The following ARSJ variants were observed in gnomAD, a reference collection of about 807,000 sequenced individuals.
ARSJ encodes arylsulfatase J.
ARSJ carries 26 observed loss-of-function variants against 35.9 expected under a neutral mutation model. That is an observed-to-expected ratio of 0.72 (90% CI 0.53 to 1.00). The LOEUF is 1.00. Ranked by LOEUF, ARSJ falls within the 50% of genes least tolerant of loss-of-function variation. ARSJ has a pLI of 0.00. For missense variants in ARSJ, 667 were observed against 723.6 expected (o/e 0.92, Z 0.90); for synonymous variants, 294 against 267.6 (o/e 1.10, Z -0.96).
intron 1 of ARSJ, among the ~76,000 whole-genome samples, chr4:113,947,795 T>C (rs1402084678): frequency 6.6e-6 from 1 of 152,158 alleles, no homozygotes; most frequent in African/African-American, 2.4e-5. Context: ...ATTATATACT[T>C]TTTTAAGTGT....
At chr4:113,917,438 T>C (rs1278770225) in intron 1 of ARSJ, among the ~76,000 whole-genome samples, 2 of 152,194 alleles carry the variant, frequency 1.3e-5, no homozygotes, top group Admixed American at 1.3e-4. Flanking sequence ...TATTTTATAA[T>C]AATATAAGTG....
intron 1 of ARSJ, among the ~76,000 whole-genome samples, chr4:113,928,379 C>T (rs939868544): frequency 6.6e-6 from 1 of 152,118 alleles, no homozygotes; most frequent in Non-Finnish European, 1.5e-5. Context: ...GGTCTGTAAA[C>T]TGGATAAAGT....
chr4:113,939,209 A>G (rs965810666), intron 1 of ARSJ, among the ~76,000 whole-genome samples: 5 of 149,150 alleles, frequency 3.4e-5, no homozygotes, highest in African/African-American at 9.9e-5. Flanking sequence ...ATGATTTCCA[A>G]TTTCATCCAT....
At position 113,903,198 on chromosome 4, in the gene ARSJ, T is replaced by A; in HGVS notation, c.876A>T (p.Arg292Ser). The A allele has an allele frequency of 6.2e-7, 1 of 1,614,152 alleles. No homozygotes were observed. Among genetic ancestry groups the A allele is most frequent in the Non-Finnish European group, 8.5e-7 (1 of 1,180,022 alleles). Reference protein sequence around the residue: ...YRSIININRRRYAAMLSCLDE... With the variant: ...YRSIININRRSYAAMLSCLDE... ...CTAAGCAGGAAAGCATGGCAGCATA[T>A]CTCCTCCTGTTTATGTTGATAATGG... is the stretch of plus-strand genomic sequence containing the variant. Residue 292 changes from arginine (R) to serine (S), a missense_variant, in exon 2 of 2, where the codon AGA (arginine) becomes AGT (serine). By Grantham distance (110) the Arg-to-Ser change is moderately radical (BLOSUM62 -1). Transcript: ENST00000315366.
intron 1 of ARSJ, among the ~76,000 whole-genome samples, chr4:113,932,521 T>C (rs944589675): frequency 6.6e-6 from 1 of 151,900 alleles, no homozygotes. Context: ...TTCTGACCAA[T>C]ATGGAACAAA....
intron 1 of ARSJ, among the ~76,000 whole-genome samples, chr4:113,926,309 G>T (rs1724059714): frequency 1.3e-5 from 2 of 152,114 alleles, no homozygotes; most frequent in African/African-American, 4.8e-5. Flanking sequence ...TGCACATCCA[G>T]CCATTTCTCC....
At position 113,918,343 on chromosome 4, in the gene ARSJ, T is replaced by A. The variant is rs192182354; in HGVS notation, c.399-14668A>T. 2.6e-5 allele frequency among the ~76,000 whole-genome samples: 4 copies of A among 152,302 alleles called. No individual in the cohort carries two copies. In the East Asian group the frequency reaches 7.7e-4, roughly 29 times the overall value. On this transcript the variant is annotated intron_variant, in intron 1 of 1. Transcript: ENST00000315366. Reference sequence around the variant, plus strand: ...TTCTCAGTACTCATCTTTTATTTTGTAGAATATATTTATATTCATAAAATA... The same window carrying A: ...TTCTCAGTACTCATCTTTTATTTTGAAGAATATATTTATATTCATAAAATA...
chr4:113,909,670 AG>A (rs2099669844), intron 1 of ARSJ, among the ~76,000 whole-genome samples: 1 of 152,128 alleles, frequency 6.6e-6, no homozygotes, highest in African/African-American at 2.4e-5. Flanking sequence ...ATGTTTGTTA[AG>A]TTTCCTCAGG....
In ARSJ at chr4:113,902,034, C is replaced by G; in HGVS notation, c.*240G>C. Reference sequence around the variant, plus strand: ...GGACTCACCACGTTTTCTAAAGGAGCAAGAGAAATAAACATCTCCACTCTC... The same window carrying G: ...GGACTCACCACGTTTTCTAAAGGAGGAAGAGAAATAAACATCTCCACTCTC... On this transcript the variant is annotated 3_prime_UTR_variant, in exon 2 of 2. Transcript: ENST00000315366. 2.4e-6 allele frequency: 3 copies of G among 1,240,680 alleles called. No individual in the cohort carries two copies. Among genetic ancestry groups the G allele is most frequent in the Non-Finnish European group, 2.2e-6 (2 of 915,056 alleles). 76.9% of individuals were successfully genotyped at this position (1,240,680 alleles called of 1,614,324 possible). A position where few individuals can be genotyped will look rare whatever the true frequency, so the allele number is the denominator to read the frequency against.
At chr4:113,956,349 G>A (rs1726179508) in intron 1 of ARSJ, among the ~76,000 whole-genome samples, 1 of 152,040 alleles carries the variant, frequency 6.6e-6, no homozygotes, top group African/African-American at 2.4e-5. Context: ...CACTTAACAG[G>A]AAGACTAGGA....
chr4:113,968,286 CATATA>C (rs1472945153), intron 1 of ARSJ, among the ~76,000 whole-genome samples: 1 of 152,032 alleles, frequency 6.6e-6, no homozygotes, highest in Non-Finnish European at 1.5e-5. Context: ...TATGTATATA[CATATA>C]ATATTTATGT....
At chr4:113,947,168 T>C (rs993916810) in intron 1 of ARSJ, among the ~76,000 whole-genome samples, 1 of 152,042 alleles carries the variant, frequency 6.6e-6, no homozygotes, top group Admixed American at 6.6e-5. Flanking sequence ...GATATTTAGG[T>C]CTTCCAATAG....
chr4:113,975,512 G>A (rs192393511), intron 1 of ARSJ, among the ~76,000 whole-genome samples: 197 of 152,118 alleles, frequency 1.3e-3, no homozygotes, highest in Non-Finnish European at 8.2e-4. Context: ...AAATTACTTT[G>A]AAATAAATCA....
intron 1 of ARSJ, among the ~76,000 whole-genome samples, chr4:113,906,283 T>C (rs1462963913): frequency 1.3e-5 from 2 of 152,162 alleles, no homozygotes; most frequent in Admixed American, 6.5e-5. Flanking sequence ...TCTAACTAAA[T>C]TGGTCATTTT....
chr4:113,921,758 G>C (rs1447094040), intron 1 of ARSJ, among the ~76,000 whole-genome samples: 1 of 152,116 alleles, frequency 6.6e-6, no homozygotes, highest in Non-Finnish European at 1.5e-5. Flanking sequence ...GCAAACTGCT[G>C]AAATAAAGAC....
chr4:113,936,169 T>C (rs758461783), intron 1 of ARSJ, among the ~76,000 whole-genome samples: 10 of 151,914 alleles, frequency 6.6e-5, no homozygotes, highest in Non-Finnish European at 1.0e-4. Flanking sequence ...CGATGCATAG[T>C]GTAACTCAAA....
In ARSJ at chr4:113,901,664, C is replaced by G. The variant is rs911314719; in HGVS notation, c.*610G>C. On this transcript the variant is annotated 3_prime_UTR_variant, in exon 2 of 2. Coordinates refer to ENST00000315366, the MANE Select transcript of ARSJ (RefSeq NM_024590.4). ...CACGCATGGTAAAATGAGGTGCAAG[C>G]TGTTCACATGTGAGAAAAACAGCTT... 1 of 152,158 alleles carries G rather than the reference C, an allele frequency of 6.6e-6. No homozygotes were observed. The highest frequency in any genetic ancestry group is 1.5e-5 in the Non-Finnish European group (1 of 68,004). 9.4% of individuals were successfully genotyped at this position (152,158 alleles called of 1,614,324 possible). A position where few individuals can be genotyped will look rare whatever the true frequency, so the allele number is the denominator to read the frequency against.
intron 1 of ARSJ, among the ~76,000 whole-genome samples, chr4:113,940,165 T>A (rs1247925023): frequency 1.3e-5 from 2 of 152,114 alleles, no homozygotes; most frequent in South Asian, 4.1e-4. Context: ...ATATAAATCA[T>A]TCTGTTATAA....
intron 1 of ARSJ, among the ~76,000 whole-genome samples, chr4:113,950,528 A>G (rs1345607520): frequency 6.6e-6 from 1 of 152,078 alleles, no homozygotes; most frequent in Non-Finnish European, 1.5e-5. Flanking sequence ...GTTGTGAGAC[A>G]AATCTTGAAA....
Sources: allele counts gnomAD v4.1 joint callset (sites outside exome capture counted in the v4.1 genomes callset), GRCh38; gene constraint gnomAD v4.1.1; transcripts MANE v1.5; gene names NCBI Gene and HGNC (gene_info 2026-07-23, HGNC 2026-07-21).